Variants in UBR1 observed in about 807,000 individuals in gnomAD.
UBR1 encodes the protein E3 ubiquitin-protein ligase UBR1.
Under a neutral mutation model 242.1 loss-of-function variants are expected in UBR1, and 102 were observed. The ratio of observed to expected loss-of-function variants is 0.42; its 90% confidence interval spans 0.36 to 0.50. The LOEUF is 0.50. UBR1 is among the 20% of genes least tolerant of loss of function. UBR1 has a pLI of 0.01. For synonymous variants in UBR1, 675 were observed against 684.8 expected (o/e 0.99, Z 0.22); for missense variants, 1,772 against 2,101.8 (o/e 0.84, Z 3.07).
chr15:42,947,174 G>T (rs1319586087), intron 46 of UBR1, among the ~76,000 whole-genome samples: 2 of 152,056 alleles, frequency 1.3e-5, no homozygotes, highest in Non-Finnish European at 2.9e-5. Flanking sequence ...GTATTGCAAT[G>T]GAAACAATAT....
chr15:42,983,664 T>TTAA (rs758776932), intron 37 of UBR1, among the ~76,000 whole-genome samples: 76 of 36,162 alleles, frequency 2.1e-3, no homozygotes, highest in African/African-American at 3.6e-3. Context: ...AAACTCCCAC[T>TTAA]CAATAATAAT....
intron 1 of UBR1, among the ~76,000 whole-genome samples, chr15:43,099,651 T>C (rs2034203570): frequency 6.6e-6 from 1 of 152,192 alleles, no homozygotes; most frequent in Non-Finnish European, 1.5e-5. Flanking sequence ...TACCTCAGTG[T>C]CTTCTCATTC....
intron 46 of UBR1, among the ~76,000 whole-genome samples, chr15:42,947,162 A>G (rs796075697): frequency 2.0e-5 from 3 of 152,294 alleles, no homozygotes; most frequent in African/African-American, 7.2e-5. Flanking sequence ...AAAAAGTTTC[A>G]AGTATTGCAA....
At chr15:43,004,173 A>C (rs1245990824) in intron 30 of UBR1, among the ~76,000 whole-genome samples, 1 of 152,240 alleles carries the variant, frequency 6.6e-6, no homozygotes, top group Non-Finnish European at 1.5e-5. Context: ...TTAACCTTGA[A>C]TATTGGGTTT....
intron 21 of UBR1, 84 bp downstream of exon 21, chr15:43,029,852 TGCCTAAAA>T: frequency 6.7e-7 from 1 of 1,491,448 alleles, no homozygotes; most frequent in Admixed American, 1.7e-5. Context: ...TAGGACTTTT[TGCCTAAAA>T]TTTTGAAGTA....
intron 43 of UBR1, among the ~76,000 whole-genome samples, chr15:42,959,183 T>G (rs1325120700): frequency 6.6e-6 from 1 of 152,156 alleles, no homozygotes; most frequent in Non-Finnish European, 1.5e-5. Flanking sequence ...GTTGTCTATA[T>G]TTAGTACAAC....
intron 1 of UBR1, among the ~76,000 whole-genome samples, chr15:43,087,172 G>T (rs1324185261): frequency 1.3e-5 from 2 of 152,132 alleles, no homozygotes; most frequent in Admixed American, 1.3e-4. Context: ...TTGGGAGGCC[G>T]AGGTGGGTGG....
intron 46 of UBR1, among the ~76,000 whole-genome samples, chr15:42,949,285 G>C (rs1241888848): frequency 8.8e-6 from 1 of 113,522 alleles, no homozygotes. Flanking sequence ...GTTGTGGGGT[G>C]GGGGGAGGGG....
At chr15:43,051,330 C>T (rs550086110) in intron 12 of UBR1, among the ~76,000 whole-genome samples, 3 of 152,238 alleles carry the variant, frequency 2.0e-5, no homozygotes, top group African/African-American at 7.2e-5. Context: ...AACAGAAAAC[C>T]AAATACTGCA....
intron 6 of UBR1, 55 bp from the exon 7 acceptor site, chr15:43,060,169 A>C: frequency 6.6e-7 from 1 of 1,519,238 alleles, no homozygotes; most frequent in Non-Finnish European, 9.1e-7. Flanking sequence ...ACAATCAATA[A>C]GCAATATGTA....
intron 33 of UBR1, among the ~76,000 whole-genome samples, chr15:42,995,478 T>C (rs1423145314): frequency 1.3e-5 from 2 of 148,712 alleles, no homozygotes; most frequent in African/African-American, 5.0e-5. Flanking sequence ...GCTAACACGG[T>C]GAAACCCCGT....
chr15:42,995,616 C>G (rs562424247), intron 33 of UBR1, among the ~76,000 whole-genome samples: 1 of 151,660 alleles, frequency 6.6e-6, no homozygotes, highest in East Asian at 1.9e-4. Context: ...TGCAGTGAGC[C>G]GAGATCACGC....
chr15:42,966,332 A>G, intron 40 of UBR1, 46 bp from the exon 41 acceptor site: 1 of 1,610,714 alleles, frequency 6.2e-7, no homozygotes, highest in South Asian at 1.1e-5. Flanking sequence ...ATATCAGACT[A>G]AAGCCCTAGA....
At chr15:43,003,766 C>A (rs1317471056) in intron 31 of UBR1, 71 bp downstream of exon 31, 15 of 1,353,944 alleles carry the variant, frequency 1.1e-5, no homozygotes, top group Non-Finnish European at 1.5e-5. Context: ...AGAAAACATG[C>A]CTTTTTGTGG....
chr15:43,086,137 T>A lies in UBR1; in HGVS notation c.185A>T (p.Gln62Leu), dbSNP rs2034033074. 6.2e-7 allele frequency: 1 copy of A among 1,613,956 alleles called. No individual in the cohort carries two copies. Residue 62 changes from glutamine to leucine, a missense_variant, in exon 2 of 47, where the codon CAG becomes CTG. Transcript: ENST00000290650. ...FAEMDPDLEK[Q>L]EESVQMSIFT... ...TATTGACATTTGTACACTTTCCTCCTGCTTTTCCAAGTCTGGGTCCATTTC... is the reference window on the plus strand; with the variant it reads ...TATTGACATTTGTACACTTTCCTCCAGCTTTTCCAAGTCTGGGTCCATTTC...
intron 25 of UBR1, 63 bp from the exon 26 acceptor site, chr15:43,022,864 T>A: frequency 1.8e-6 from 2 of 1,081,964 alleles, no homozygotes; most frequent in Non-Finnish European, 2.7e-6. Flanking sequence ...ATTTTTAATT[T>A]AATTTTAATT....
chr15:43,085,938 A>AG (rs2034030490), intron 2 of UBR1, 46 bp downstream of exon 2: 1 of 1,519,224 alleles, frequency 6.6e-7, no homozygotes. Context: ...AAAAAAAAAA[A>AG]GGATTTTAAT....
rs1161025838 is a variant in UBR1, at chr15:42,944,251, T to C, written c.*1078A>G. The stretch of plus-strand genomic sequence containing the variant: ...TATGCACAAATTCAGGAGAGCTCTA[T>C]TATTTATAAACAAGATGGCTCAACC... On this transcript the variant is annotated 3_prime_UTR_variant, in exon 47 of 47. Transcript: ENST00000290650. The C allele has an allele frequency of 6.6e-6, 1 of 152,636 alleles. No homozygotes were observed. The highest frequency in any genetic ancestry group is 1.5e-5 in the Non-Finnish European group (1 of 68,040). The allele number at this position is 152,636 out of a possible 1,614,324, so 9.5% of individuals were successfully genotyped here.
At chr15:43,049,121 T>C (rs1039472837) in intron 12 of UBR1, among the ~76,000 whole-genome samples, 1 of 152,234 alleles carries the variant, frequency 6.6e-6, no homozygotes, top group Non-Finnish European at 1.5e-5. Context: ...AAGTATAAAA[T>C]ACTATTTTGC....
Sources: allele counts gnomAD v4.1 joint callset (sites outside exome capture counted in the v4.1 genomes callset), GRCh38; gene constraint gnomAD v4.1.1; transcripts MANE v1.5; gene names NCBI Gene and HGNC (gene_info 2026-07-23, HGNC 2026-07-21).